Variants in TNRC6A observed in about 807,000 individuals in gnomAD.
TNRC6A encodes trinucleotide repeat-containing gene 6A protein.
Under a neutral mutation model 221.2 loss-of-function variants are expected in TNRC6A, and 44 were observed. The observed-to-expected ratio is 0.20, with a 90% CI of 0.16 to 0.26. The LOEUF (loss-of-function observed/expected upper bound fraction) is 0.26, where lower values mean the gene tolerates loss of function less well. Ranked by LOEUF, TNRC6A falls within the 10% of genes least tolerant of loss-of-function variation. The probability of loss-of-function intolerance (pLI) is 1.00; values close to 1 mark genes in which losing one functional copy is unlikely to be tolerated. For missense variants in TNRC6A, 2,199 were observed against 2,404.4 expected, an observed-to-expected ratio of 0.91 and a Z score of 1.79; for synonymous variants, 847 against 838.5, an observed-to-expected ratio of 1.01 and a Z score of -0.18.
Position 24,658,507 on chromosome 16 carries a change from A to G in TNRC6A, n.402+17498A>G, listed in dbSNP as rs145291773. On this transcript the variant is annotated intron_variant and non_coding_transcript_variant, in intron 2 of 2. Transcript: ENST00000566108. ...CTCCCAAGTAGCTGGGATTACAGGC[A>G]TGTGCCACCATAACCAGCTAATTTT... 2.5e-3 allele frequency among the ~76,000 whole-genome samples: 378 copies of G among 151,964 alleles called. 1 individual carries two copies. Among genetic ancestry groups the G allele is most frequent in the Middle Eastern group, 6.8e-3 (2 of 292 alleles).
intron 11 of TNRC6A, among the ~76,000 whole-genome samples, chr16:24,801,781 A>G (rs1160528837): frequency 6.6e-6 from 1 of 152,094 alleles, no homozygotes; most frequent in Non-Finnish European, 1.5e-5. Flanking sequence ...AGCTGCTACT[A>G]CTCTTTCAAA....
At chr16:24,738,189 A>G (rs568052086) in intron 2 of TNRC6A, among the ~76,000 whole-genome samples, 6 of 152,282 alleles carry the variant, frequency 3.9e-5, no homozygotes, top group South Asian at 2.1e-4. Flanking sequence ...CAGCTTATCA[A>G]TTTAGCACTG....
intron 5 of TNRC6A, among the ~76,000 whole-genome samples, chr16:24,785,505 T>C (rs2057946799): frequency 2.0e-5 from 3 of 152,266 alleles, no homozygotes; most frequent in African/African-American, 7.2e-5. Flanking sequence ...CATTTTCTCC[T>C]GGATTATTTT....
intron 18 of TNRC6A, among the ~76,000 whole-genome samples, chr16:24,812,877 CTTTTTT>C (rs71383720): frequency 5.3e-5 from 4 of 75,010 alleles, no homozygotes; most frequent in Middle Eastern, 0.011. Context: ...ACCTCTTGGG[CTTTTTT>C]TTTTTTTTTT....
intron 2 of TNRC6A, among the ~76,000 whole-genome samples, chr16:24,648,634 A>G (rs1902445001): frequency 6.6e-6 from 1 of 152,156 alleles, no homozygotes; most frequent in Admixed American, 6.6e-5. Context: ...GTTTGTCTGC[A>G]TCTTCACCAA....
At chr16:24,691,344 G>T (rs180878418) in intron 2 of TNRC6A, among the ~76,000 whole-genome samples, 245 of 151,962 alleles carry the variant, frequency 1.6e-3, no homozygotes, top group African/African-American at 5.7e-3. Context: ...TGGCTTTTCA[G>T]AGTGCTGGGA....
At chr16:24,730,977 A>AT (rs34743729) in intron 2 of TNRC6A, among the ~76,000 whole-genome samples, 108,575 of 145,420 alleles carry the variant, frequency 0.75, 40,509 homozygotes, top group East Asian at 0.89. Flanking sequence ...TGAAGGGAGA[A>AT]TTTTTTTTTT....
chr16:24,668,222 A>G (rs1469379578), intron 2 of TNRC6A, among the ~76,000 whole-genome samples: 2 of 151,244 alleles, frequency 1.3e-5, no homozygotes, highest in African/African-American at 2.4e-5. Context: ...CAGCTACTTG[A>G]GAGGCTGAGG....
intron 4 of TNRC6A, 129 bp downstream of exon 4, chr16:24,758,489 G>C: frequency 2.2e-6 from 2 of 926,226 alleles, no homozygotes; most frequent in Non-Finnish European, 3.4e-6. Flanking sequence ...GCCTTCTTCA[G>C]TAACATACCC....
In TNRC6A at chr16:24,782,293, C is replaced by T. The variant is rs556045297; in HGVS notation, c.589+4935C>T. Reference sequence around the variant, plus strand: ...TTCACCCCATCTCTCAAACCGGAAGCCAGTCATGATTCATGCATTGCATTT... The same window carrying T: ...TTCACCCCATCTCTCAAACCGGAAGTCAGTCATGATTCATGCATTGCATTT... On this transcript the variant is annotated intron_variant, in intron 5 of 24. Transcript: ENST00000395799. Among the ~76,000 whole-genome samples the T allele has an allele frequency of 3.9e-5, 6 of 152,306 alleles. No homozygotes were observed. The East Asian group carries it at 1.2e-3, about 29-fold the overall frequency.
At chr16:24,800,414 C>G (rs1207688359) in intron 11 of TNRC6A, among the ~76,000 whole-genome samples, 2 of 152,136 alleles carry the variant, frequency 1.3e-5, no homozygotes, top group East Asian at 3.9e-4. Flanking sequence ...TATGGTAAGA[C>G]CAGTTAATTC....
At chr16:24,620,977 G>A (rs1022917182) in intron 1 of TNRC6A, among the ~76,000 whole-genome samples, 8 of 151,124 alleles carry the variant, frequency 5.3e-5, no homozygotes, top group Non-Finnish European at 1.2e-4. Flanking sequence ...CCAGCTACTT[G>A]GGAGGCTGAG....
At chr16:24,817,644 C>T (rs1310895788) in intron 20 of TNRC6A, among the ~76,000 whole-genome samples, 5 of 152,028 alleles carry the variant, frequency 3.3e-5, no homozygotes, top group South Asian at 2.1e-4. Flanking sequence ...AGAGTGTTAA[C>T]GAAATTAATT....
intron 1 of TNRC6A, among the ~76,000 whole-genome samples, chr16:24,630,165 T>G (rs1453004610): frequency 6.6e-6 from 1 of 152,184 alleles, no homozygotes; most frequent in Non-Finnish European, 1.5e-5. Flanking sequence ...CCTGGGCCAA[T>G]CTAATCTGCT....
chr16:24,795,651 A>G (rs1283450488), intron 8 of TNRC6A: 1 of 394,430 alleles, frequency 2.5e-6, no homozygotes, highest in East Asian at 3.7e-5. Flanking sequence ...AAAATTTTTC[A>G]TTTGGCTGAA....
intron 2 of TNRC6A, among the ~76,000 whole-genome samples, chr16:24,712,567 A>G (rs2056224654): frequency 6.9e-6 from 1 of 144,114 alleles, no homozygotes; most frequent in Admixed American, 7.0e-5. Flanking sequence ...ATAATAAGAA[A>G]AATGTTTCAT....
At chr16:24,730,384 C>T (rs2056602810) in intron 2 of TNRC6A, 84 bp downstream of exon 2, 1 of 1,497,088 alleles carries the variant, frequency 6.7e-7, no homozygotes, top group East Asian at 2.6e-5. Context: ...TTGAGAAGTT[C>T]CCCCGTGACA....
At chr16:24,735,253 T>A (rs2056738622) in intron 2 of TNRC6A, among the ~76,000 whole-genome samples, 1 of 152,170 alleles carries the variant, frequency 6.6e-6, no homozygotes, top group Non-Finnish European at 1.5e-5. Context: ...CGCTCCAGCC[T>A]GGGCAACAGA....
intron 2 of TNRC6A, among the ~76,000 whole-genome samples, chr16:24,747,356 G>A (rs2057035752): frequency 6.6e-6 from 1 of 152,168 alleles, no homozygotes; most frequent in African/African-American, 2.4e-5. Context: ...GTCAAGTTCT[G>A]ATAAAAGGGG....
Sources: allele counts gnomAD v4.1 joint callset (sites outside exome capture counted in the v4.1 genomes callset), GRCh38; gene constraint gnomAD v4.1.1; transcripts MANE v1.5; gene names NCBI Gene and HGNC (gene_info 2026-07-23, HGNC 2026-07-21).